SYNE2: variants seen among roughly 807,000 people sequenced by gnomAD.
SYNE2 encodes spectrin repeat containing nuclear envelope protein 2, also known as nesprin-2.
Under a neutral mutation model 856.3 loss-of-function variants are expected in SYNE2, and 431 were observed. That is an observed-to-expected ratio of 0.50 (90% CI 0.47 to 0.55). The LOEUF is 0.55. Ranked by LOEUF, SYNE2 falls within the 20% of genes least tolerant of loss-of-function variation. The pLI, the probability that SYNE2 is intolerant of heterozygous loss-of-function variation, is 0.00. For missense variants in SYNE2, 8,129 were observed against 8,023.2 expected, an observed-to-expected ratio of 1.01 and a Z score of -0.50; for synonymous variants, 2,923 against 2,872.3, an observed-to-expected ratio of 1.02 and a Z score of -0.56.
At chr14:63,832,677 T>C (rs1889712299) in intron 1 of SYNE2, among the ~76,000 whole-genome samples, 1 of 152,036 alleles carries the variant, frequency 6.6e-6, no homozygotes, top group Non-Finnish European at 1.5e-5. Flanking sequence ...TAATTTTTAA[T>C]AAGCCAGAGT....
chr14:64,066,279 C>T (rs372344718), intron 51 of SYNE2, among the ~76,000 whole-genome samples: 6 of 152,188 alleles, frequency 3.9e-5, no homozygotes, highest in South Asian at 2.1e-4. Context: ...ACAGGAGAAT[C>T]GCTTGAGCCC....
At chr14:64,185,263 T>TA (rs1198546325) in intron 96 of SYNE2, among the ~76,000 whole-genome samples, 35 of 151,478 alleles carry the variant, frequency 2.3e-4, no homozygotes, top group Admixed American at 1.8e-3. Context: ...CCCTGTCTCT[T>TA]AAAAAAAAAA....
intron 46 of SYNE2, chr14:64,049,403 C>T (rs2097208045): frequency 1.1e-5 from 2 of 186,306 alleles, no homozygotes; most frequent in African/African-American, 2.5e-5. Flanking sequence ...GCTATGATTG[C>T]ACCCTGCACT....
chr14:63,768,088 G>T (rs1298982977), intron 1 of SYNE2, among the ~76,000 whole-genome samples: 2 of 151,970 alleles, frequency 1.3e-5, no homozygotes, highest in Non-Finnish European at 2.9e-5. Flanking sequence ...CAGCTACTTG[G>T]GAGGCTGAGG....
At chr14:64,034,833 G>A (rs2097073524) in intron 45 of SYNE2, among the ~76,000 whole-genome samples, 1 of 151,844 alleles carries the variant, frequency 6.6e-6, no homozygotes, top group Non-Finnish European at 1.5e-5. Flanking sequence ...TTAGGATATG[G>A]TAAAAAGTGA....
At chr14:64,202,270 G>A (rs542769136) in intron 99 of SYNE2, 28 of 702,312 alleles carry the variant, frequency 4.0e-5, no homozygotes, top group Non-Finnish European at 6.5e-5. Context: ...GAAGCGGTAG[G>A]GCTTGGCACA....
rs533285120 is a variant in SYNE2, at chr14:63,838,047, C to G, written c.-304-14454C>G. On this transcript the variant is annotated intron_variant, in intron 1 of 23. Coordinates refer to the SYNE2 transcript ENST00000674003. ...CAGTAGTCATTAGGGAAATGCAAATCAAGATGACAATGAAATGGCGAAAAT... is the reference window on the plus strand; with the variant it reads ...CAGTAGTCATTAGGGAAATGCAAATGAAGATGACAATGAAATGGCGAAAAT... Among the ~76,000 whole-genome samples the G allele has an allele frequency of 2.7e-5, 4 of 149,956 alleles. No individual in the cohort carries two copies. The East Asian group carries it at 7.9e-4, about 30-fold the overall frequency.
intron 65 of SYNE2, among the ~76,000 whole-genome samples, chr14:64,111,385 G>GTAGCAATATCTGAAAACTAGATA (rs1184691565): frequency 2.0e-5 from 3 of 152,114 alleles, no homozygotes; most frequent in Non-Finnish European, 2.9e-5. Flanking sequence ...ATCTTTGTCT[G>GTAGCAATATCTGAAAACTAGATA]TAGCAATATC....
At chr14:63,841,111 C>T (rs1890052711) in intron 1 of SYNE2, among the ~76,000 whole-genome samples, 2 of 152,176 alleles carry the variant, frequency 1.3e-5, no homozygotes, top group Non-Finnish European at 2.9e-5. Flanking sequence ...TTAATAGAAT[C>T]TAGGGGCTTA....
At chr14:63,782,100 A>C (rs1036224757) in intron 1 of SYNE2, among the ~76,000 whole-genome samples, 11 of 151,236 alleles carry the variant, frequency 7.3e-5, no homozygotes, top group Non-Finnish European at 1.3e-4. Flanking sequence ...ATGCCACTGC[A>C]CTTTAAGCTT....
Position 64,128,395 on chromosome 14 carries a change from A to C in SYNE2, c.13918-57A>C, listed in dbSNP as rs879019921. The stretch of plus-strand genomic sequence containing the variant: ...AAATTATAAAAACCAACTAAATATA[A>C]AAAAAGATAATGAAGGCCTAAATGA... On this transcript the variant is annotated intron_variant, in intron 73 of 115. Transcript: ENST00000555002. 4.4e-5 allele frequency: 41 copies of C among 937,244 alleles called. 1 individual carries two copies. In the South Asian group the frequency reaches 5.0e-4, roughly 12 times the overall value. The allele number at this position is 937,244 out of a possible 1,614,324, so 58.1% of individuals were successfully genotyped here.
intron 1 of SYNE2, among the ~76,000 whole-genome samples, chr14:63,773,878 T>C (rs1887012970): frequency 6.6e-6 from 1 of 152,234 alleles, no homozygotes; most frequent in African/African-American, 2.4e-5. Flanking sequence ...TTGTTTGAGC[T>C]AAGCACATCT....
At chr14:63,895,590 CAAAAAAAAA>C (rs34613830) in intron 1 of SYNE2, among the ~76,000 whole-genome samples, 4 of 88,414 alleles carry the variant, frequency 4.5e-5, no homozygotes, top group Non-Finnish European at 9.2e-5. Context: ...CTGTCTCTAT[CAAAAAAAAA>C]AAAAAAAAAA....
chr14:64,084,930 T>C (rs1284515771), intron 57 of SYNE2: 1 of 701,930 alleles, frequency 1.4e-6, no homozygotes. Context: ...TTCCCGTGGC[T>C]GTTGACAGGC....
In SYNE2 at chr14:64,119,543, G is replaced by A; in HGVS notation, c.12957G>A (p.Leu4319=). The A allele has an allele frequency of 6.2e-7, 1 of 1,614,190 alleles. No homozygotes were observed. The highest frequency in any genetic ancestry group is 8.5e-7 in the Non-Finnish European group (1 of 1,180,036). The change falls in exon 67 of 116, where the codon CTG becomes CTA. Residue 4319 remains leucine (L), a synonymous_variant. Coordinates refer to ENST00000555002, the MANE Select transcript of SYNE2 (RefSeq NM_182914.3). ...AGGCTGAAGCGCTTTCCCTGAAACT[G>A]AAAACAGTGAAGTGCAATTTAGAAA... is the stretch of plus-strand genomic sequence containing the variant. The part of the protein sequence containing the change: ...QHEAEALSLK[L]KTVKCNLEKV...
At chr14:64,083,157 G>A (rs948938708) in intron 57 of SYNE2, among the ~76,000 whole-genome samples, 3 of 152,042 alleles carry the variant, frequency 2.0e-5, no homozygotes, top group African/African-American at 7.2e-5. Flanking sequence ...TTTGAGAATC[G>A]TTGGCATATT....
chr14:63,897,031 C>T (rs1339851617), intron 1 of SYNE2, among the ~76,000 whole-genome samples: 2 of 152,090 alleles, frequency 1.3e-5, no homozygotes, highest in Non-Finnish European at 1.5e-5. Context: ...GCAGGCAGAT[C>T]ACCTGTCATC....
intron 2 of SYNE2, among the ~76,000 whole-genome samples, chr14:63,935,670 T>C (rs577814534): frequency 2.6e-5 from 4 of 152,110 alleles, no homozygotes; most frequent in Non-Finnish European, 5.9e-5. Flanking sequence ...CTCATAAAGG[T>C]AGATTTGCTT....
At chr14:64,147,497 G>A (rs2098197719) in intron 84 of SYNE2, among the ~76,000 whole-genome samples, 1 of 152,182 alleles carries the variant, frequency 6.6e-6, no homozygotes, top group South Asian at 2.1e-4. Context: ...AGTCAAGTGA[G>A]TCTTACACAG....
Sources: allele counts gnomAD v4.1 joint callset (sites outside exome capture counted in the v4.1 genomes callset), GRCh38; gene constraint gnomAD v4.1.1; transcripts MANE v1.5; gene names NCBI Gene and HGNC (gene_info 2026-07-23, HGNC 2026-07-21).